Variants in CCDC60 observed in about 807,000 individuals in gnomAD.
CCDC60 encodes coiled-coil domain containing 60, also known as coiled-coil domain-containing protein 60.
A neutral mutation model predicts 63.5 loss-of-function variants in CCDC60; 54 were observed. The ratio of observed to expected loss-of-function variants is 0.85; its 90% CI spans 0.68 to 1.07. The LOEUF (loss-of-function observed/expected upper bound fraction) is 1.07, where lower values mean the gene tolerates loss of function less well. CCDC60 is among the 50% of genes least tolerant of loss of function. The pLI, the probability that CCDC60 is intolerant of heterozygous loss-of-function variation, is 0.00. For missense variants in CCDC60, 651 were observed against 684.3 expected (o/e 0.95, Z 0.54); for synonymous variants, 206 against 238.8 (o/e 0.86, Z 1.27).
intron 2 of CCDC60, chr12:119,429,826 G>T (rs978867101): frequency 6.6e-6 from 1 of 152,162 alleles, no homozygotes; most frequent in African/African-American, 2.4e-5. Flanking sequence ...AGGGTCTCTA[G>T]ACACTGTCTA....
chr12:119,515,470 C>A (rs1465731707), intron 7 of CCDC60, among the ~76,000 whole-genome samples: 4 of 151,934 alleles, frequency 2.6e-5, no homozygotes, highest in East Asian at 1.9e-4. Flanking sequence ...ACAAGTTTAC[C>A]CCACCATGCC....
chr12:119,424,764 A>C (rs1442684177), intron 1 of CCDC60, among the ~76,000 whole-genome samples: 2 of 152,222 alleles, frequency 1.3e-5, no homozygotes, highest in Non-Finnish European at 2.9e-5. Context: ...ATTAAACAAA[A>C]CTATAATTAT....
At chr12:119,507,575 TATAC>T (rs1952065819) in intron 7 of CCDC60, among the ~76,000 whole-genome samples, 1 of 38,888 alleles carries the variant, frequency 2.6e-5, no homozygotes, top group African/African-American at 2.4e-4. Flanking sequence ...TATATGTATA[TATAC>T]ACATATATAT....
At chr12:119,511,897 T>C (rs1952223204) in intron 7 of CCDC60, among the ~76,000 whole-genome samples, 1 of 152,168 alleles carries the variant, frequency 6.6e-6, no homozygotes, top group Non-Finnish European at 1.5e-5. Flanking sequence ...CTAATAGGCT[T>C]CTGGACACAC....
intron 1 of CCDC60, among the ~76,000 whole-genome samples, chr12:119,400,223 G>A (rs1956366969): frequency 6.6e-6 from 1 of 151,950 alleles, no homozygotes; most frequent in Non-Finnish European, 1.5e-5. Context: ...CTAATTTTTT[G>A]TATTTTTAGT....
intron 1 of CCDC60, among the ~76,000 whole-genome samples, chr12:119,413,188 T>G (rs1323295006): frequency 6.6e-6 from 1 of 152,170 alleles, no homozygotes; most frequent in East Asian, 1.9e-4. Context: ...TTTGATTAAT[T>G]TTTTTAACTG....
At chr12:119,508,689 G>A (rs530346425) in intron 7 of CCDC60, among the ~76,000 whole-genome samples, 229 of 152,284 alleles carry the variant, frequency 1.5e-3, no homozygotes, top group Non-Finnish European at 2.9e-3. Context: ...GCCAGAGCAC[G>A]CAGGGCCTTT....
intron 1 of CCDC60, among the ~76,000 whole-genome samples, chr12:119,336,572 G>A (rs537560144): frequency 6.6e-6 from 1 of 152,266 alleles, no homozygotes; most frequent in South Asian, 2.1e-4. Flanking sequence ...GGCTGCAGAG[G>A]GTCAACTTTT....
chr12:119,537,405 A>C (rs552690117), intron 13 of CCDC60, among the ~76,000 whole-genome samples: 1 of 152,170 alleles, frequency 6.6e-6, no homozygotes, highest in Non-Finnish European at 1.5e-5. Context: ...TCTGAAGCCT[A>C]CTTCTGTCAG....
intron 4 of CCDC60, among the ~76,000 whole-genome samples, chr12:119,483,390 G>T (rs1442834450): frequency 6.6e-6 from 1 of 152,208 alleles, no homozygotes; most frequent in African/African-American, 2.4e-5. Flanking sequence ...ACTGTGTAGG[G>T]ATCAATTCAA....
chr12:119,444,392 G>A (rs954156161), intron 2 of CCDC60, among the ~76,000 whole-genome samples: 8 of 152,106 alleles, frequency 5.3e-5, no homozygotes, highest in African/African-American at 1.9e-4. Flanking sequence ...TCATAGTCTC[G>A]TCACTGGGAG....
At chr12:119,460,279 T>C (rs769571589) in intron 2 of CCDC60, among the ~76,000 whole-genome samples, 1 of 152,230 alleles carries the variant, frequency 6.6e-6, no homozygotes, top group Non-Finnish European at 1.5e-5. Context: ...ATGCTCCAGG[T>C]CCTACTCCAG....
At chr12:119,403,749 T>C (rs1020940350) in intron 1 of CCDC60, among the ~76,000 whole-genome samples, 2 of 152,144 alleles carry the variant, frequency 1.3e-5, no homozygotes, top group Non-Finnish European at 2.9e-5. Context: ...ACCTTCACTA[T>C]CAAGTTCTCA....
intron 1 of CCDC60, among the ~76,000 whole-genome samples, chr12:119,362,483 C>T (rs551618344): frequency 2.6e-5 from 4 of 152,268 alleles, no homozygotes; most frequent in African/African-American, 9.6e-5. Flanking sequence ...GAGTTGTGTC[C>T]ATTCTTGATC....
At chr12:119,533,365 G>A (rs1209276027) in intron 13 of CCDC60, among the ~76,000 whole-genome samples, 1 of 152,106 alleles carries the variant, frequency 6.6e-6, no homozygotes, top group African/African-American at 2.4e-5. Context: ...CCATTCTGTA[G>A]GTTGCCTGTT....
intron 1 of CCDC60, among the ~76,000 whole-genome samples, chr12:119,338,178 G>A (rs540346114): frequency 6.6e-6 from 1 of 152,242 alleles, no homozygotes; most frequent in East Asian, 1.9e-4. Context: ...CATGCCCTTA[G>A]GAATTTCAAG....
chr12:119,509,084 T>C (rs1952137367), intron 7 of CCDC60, among the ~76,000 whole-genome samples: 1 of 152,090 alleles, frequency 6.6e-6, no homozygotes. Context: ...TCCTCTCACA[T>C]CCAATCACTC....
chr12:119,426,287 T>A (rs139022102), intron 1 of CCDC60, among the ~76,000 whole-genome samples: 393 of 152,300 alleles, frequency 2.6e-3, no homozygotes, highest in African/African-American at 8.8e-3. Context: ...GCCATCCATA[T>A]GTTTTGTTTT....
chr12:119,381,116 A>G (rs1377715078), intron 1 of CCDC60, among the ~76,000 whole-genome samples: 1 of 152,216 alleles, frequency 6.6e-6, no homozygotes, highest in Non-Finnish European at 1.5e-5. Context: ...TCGGTAAGGC[A>G]CTTCTGTTAC....
Sources: gnomAD v4.1 joint callset for allele counts (sites outside exome capture counted in the v4.1 genomes callset) on GRCh38, gnomAD v4.1.1 for gene constraint, MANE v1.5 for transcripts, NCBI Gene and HGNC (gene_info 2026-07-23, HGNC 2026-07-21) for gene names.